The following NME7 variants were observed in gnomAD, a reference collection of about 807,000 sequenced individuals.
NME7 encodes NME/NM23 family member 7, also known as nucleoside diphosphate kinase 7.
A neutral mutation model predicts 49.1 loss-of-function variants in NME7; 41 were observed. The observed-to-expected ratio is 0.83, with a 90% CI of 0.65 to 1.08. NME7 has a LOEUF of 1.08. Among genes scored for constraint, NME7 ranks in the 50% least tolerant of loss-of-function variants. NME7 has a pLI of 0.00. For missense variants in NME7, 423 were observed against 463.4 expected, an observed-to-expected ratio of 0.91 and a Z score of 0.80; for synonymous variants, 139 against 150.6, an observed-to-expected ratio of 0.92 and a Z score of 0.56.
chr1:169,244,498 T>C (rs1648227050), intron 7 of NME7, among the ~76,000 whole-genome samples: 1 of 151,826 alleles, frequency 6.6e-6, no homozygotes, highest in Non-Finnish European at 1.5e-5. Context: ...TAGCTGGGCA[T>C]GGTGGTGGGT....
intron 11 of NME7, among the ~76,000 whole-genome samples, chr1:169,139,500 T>A (rs1658530027): frequency 6.6e-6 from 1 of 152,242 alleles, no homozygotes; most frequent in South Asian, 2.1e-4. Flanking sequence ...CCTGGCCAGG[T>A]AACCTTGAGC....
At chr1:169,299,434 T>A (rs1650845108) in intron 5 of NME7, among the ~76,000 whole-genome samples, 1 of 152,166 alleles carries the variant, frequency 6.6e-6, no homozygotes, top group South Asian at 2.1e-4. Flanking sequence ...CAATACTTCA[T>A]TTTATTTTCT....
chr1:169,339,070 T>C (rs1263493986), intron 1 of NME7, among the ~76,000 whole-genome samples: 2 of 152,064 alleles, frequency 1.3e-5, no homozygotes, highest in African/African-American at 2.4e-5. Flanking sequence ...AATACTCAAA[T>C]AAATATTTAC....
At chr1:169,345,915 C>T (rs1010974170) in intron 1 of NME7, among the ~76,000 whole-genome samples, 3 of 152,142 alleles carry the variant, frequency 2.0e-5, no homozygotes, top group African/African-American at 4.8e-5. Flanking sequence ...TTAACAGCAA[C>T]GCTATCCTTA....
At chr1:169,211,229 T>C (rs1028327076) in intron 10 of NME7, among the ~76,000 whole-genome samples, 2 of 152,150 alleles carry the variant, frequency 1.3e-5, no homozygotes, top group African/African-American at 4.8e-5. Context: ...GTAAAATAAT[T>C]TACCACAGCA....
At chr1:169,257,113 C>T (rs986441344) in intron 7 of NME7, among the ~76,000 whole-genome samples, 1 of 135,118 alleles carries the variant, frequency 7.4e-6, no homozygotes, top group Admixed American at 7.2e-5. Flanking sequence ...TTCCTGGCTG[C>T]TTTGTTTACC....
chr1:169,179,499 A>T (rs1659864214), intron 10 of NME7, among the ~76,000 whole-genome samples: 1 of 152,248 alleles, frequency 6.6e-6, no homozygotes, highest in South Asian at 2.1e-4. Flanking sequence ...TTATAAAGAC[A>T]TATGCACCTG....
At chr1:169,224,101 T>G (rs1220241665) in intron 10 of NME7, among the ~76,000 whole-genome samples, 1 of 152,190 alleles carries the variant, frequency 6.6e-6, no homozygotes, top group Admixed American at 6.5e-5. Flanking sequence ...CACACAGGCT[T>G]CAATATCCTG....
chr1:169,277,938 G>A (rs4551639), intron 7 of NME7, among the ~76,000 whole-genome samples: 21,937 of 128,592 alleles, frequency 0.17, 2,109 homozygotes, highest in Non-Finnish European at 0.26. Context: ...TTTCTCCTTC[G>A]CTTATGAAGC....
At chr1:169,159,949 T>C (rs971673248) in intron 11 of NME7, among the ~76,000 whole-genome samples, 1 of 152,130 alleles carries the variant, frequency 6.6e-6, no homozygotes, top group African/African-American at 2.4e-5. Flanking sequence ...TCCTAGGTGA[T>C]TTCAATGCCA....
chr1:169,367,065 C>T (rs543566535), intron 1 of NME7, among the ~76,000 whole-genome samples: 1 of 152,138 alleles, frequency 6.6e-6, no homozygotes, highest in East Asian at 1.9e-4. Context: ...CCATTCCTTT[C>T]ATTCAGAATT....
At chr1:169,366,145 G>C (rs1653843537) in intron 1 of NME7, among the ~76,000 whole-genome samples, 1 of 152,158 alleles carries the variant, frequency 6.6e-6, no homozygotes, top group Non-Finnish European at 1.5e-5. Flanking sequence ...ACTAAGAAAT[G>C]AAAGTAATCA....
At chr1:169,266,231 C>T (rs901293159) in intron 7 of NME7, among the ~76,000 whole-genome samples, 5 of 133,180 alleles carry the variant, frequency 3.8e-5, no homozygotes, top group African/African-American at 1.3e-4. Context: ...ACTCGCAAGC[C>T]AAATCCAGCA....
intron 5 of NME7, among the ~76,000 whole-genome samples, chr1:169,300,855 A>G (rs1478348526): frequency 6.6e-6 from 1 of 152,182 alleles, no homozygotes; most frequent in East Asian, 1.9e-4. Flanking sequence ...TATTCAATAA[A>G]TGGTGCTGGG....
At chr1:169,260,959 G>T (rs78000130) in intron 7 of NME7, among the ~76,000 whole-genome samples, 1,764 of 132,968 alleles carry the variant, frequency 0.013, 230 homozygotes, top group African/African-American at 0.043. Flanking sequence ...AAGTATCTGT[G>T]CATACATAGA....
chr1:169,147,662 G>A (rs929443646), intron 11 of NME7, among the ~76,000 whole-genome samples: 5 of 152,180 alleles, frequency 3.3e-5, no homozygotes, highest in African/African-American at 1.2e-4. Flanking sequence ...AAATTTAATA[G>A]CAGAGCTATC....
chr1:169,189,616 C>T (rs1571277124), intron 10 of NME7, among the ~76,000 whole-genome samples: 1 of 152,108 alleles, frequency 6.6e-6, no homozygotes, highest in Admixed American at 6.6e-5. Context: ...AAAGAGTTAA[C>T]CAGTTTTTCT....
At chr1:169,258,375 CATATATATATATATAT>C (rs71121749) in intron 7 of NME7, among the ~76,000 whole-genome samples, 4 of 86,770 alleles carry the variant, frequency 4.6e-5, no homozygotes, top group African/African-American at 1.7e-4. Flanking sequence ...TAAAATAAAA[CATATATATATATATAT>C]ATATATATAT....
chr1:169,307,256 C>T (rs1238534484), intron 4 of NME7, among the ~76,000 whole-genome samples: 1 of 152,134 alleles, frequency 6.6e-6, no homozygotes, highest in African/African-American at 2.4e-5. Flanking sequence ...TTCAACTAAA[C>T]TAAAAATGTG....
Sources: gnomAD v4.1 joint callset for allele counts (sites outside exome capture counted in the v4.1 genomes callset) on GRCh38, gnomAD v4.1.1 for gene constraint, MANE v1.5 for transcripts, NCBI Gene and HGNC (gene_info 2026-07-23, HGNC 2026-07-21) for gene names.